The following DSCAM variants were observed in gnomAD, a reference collection of about 807,000 sequenced individuals.
DSCAM encodes the protein DS cell adhesion molecule, also known as cell adhesion molecule DSCAM.
DSCAM carries 47 observed loss-of-function variants against 217.7 expected under a neutral mutation model. The ratio of observed to expected loss-of-function variants is 0.22; its 90% CI spans 0.17 to 0.28. DSCAM has a LOEUF of 0.28. Ranked by LOEUF, DSCAM falls within the 10% of genes least tolerant of loss-of-function variation. The probability of loss-of-function intolerance (pLI) is 1.00; values close to 1 mark genes in which losing one functional copy is unlikely to be tolerated. For missense variants in DSCAM, 2,080 were observed against 2,618.3 expected (o/e 0.79, Z 4.49); for synonymous variants, 1,056 against 1,015.3 (o/e 1.04, Z -0.76).
chr21:40,813,739 C>T (rs2091858249), intron 1 of DSCAM, among the ~76,000 whole-genome samples: 2 of 151,526 alleles, frequency 1.3e-5, no homozygotes, highest in South Asian at 4.2e-4. Flanking sequence ...CCTCTGCCTC[C>T]CCAGTTCAAG....
At chr21:40,622,557 T>A (rs2089535600) in intron 3 of DSCAM, among the ~76,000 whole-genome samples, 1 of 152,152 alleles carries the variant, frequency 6.6e-6, no homozygotes, top group African/African-American at 2.4e-5. Flanking sequence ...TTTCAACTGT[T>A]TATAATGTTT....
In DSCAM at chr21:40,369,181, T is replaced by A. The variant is rs1022623143; in HGVS notation, c.573A>T (p.Gly191=). Reference sequence around the variant, plus strand: ...GCGTGATGCAGCGGTAGTTATACAATCCATCTTCATTCTGTACATCTTTAA... The same window carrying A: ...GCGTGATGCAGCGGTAGTTATACAAACCATCTTCATTCTGTACATCTTTAA... The part of the protein sequence containing the change: ...LYIKDVQNED[G]LYNYRCITRH... The change falls in exon 4 of 33, where the codon GGA becomes GGT. Residue 191 remains glycine, a synonymous_variant. Coordinates refer to ENST00000400454, the MANE Select transcript of DSCAM (RefSeq NM_001389.5). The A allele has an allele frequency of 3.1e-6, 5 of 1,613,318 alleles. No homozygotes were observed. In the African/African-American group the frequency reaches 6.7e-5, roughly 22 times the overall value.
chr21:40,551,602 T>G lies in DSCAM; in HGVS notation c.508+141208A>C, dbSNP rs538443665. Reference sequence around the variant, plus strand: ...TATGTTAATAGGGATTCCTTACAGGTGCAAAATTTCCCCCACAAAAGACAG... The same window carrying G: ...TATGTTAATAGGGATTCCTTACAGGGGCAAAATTTCCCCCACAAAAGACAG... On this transcript the variant is annotated intron_variant, in intron 3 of 32. Coordinates refer to ENST00000400454, the MANE Select transcript of DSCAM (RefSeq NM_001389.5). Among the ~76,000 whole-genome samples the G allele has an allele frequency of 2.0e-5, 3 of 152,234 alleles. No homozygotes were observed. In the South Asian group the frequency reaches 6.2e-4, roughly 32 times the overall value.
intron 10 of DSCAM, among the ~76,000 whole-genome samples, chr21:40,286,492 T>C (rs2123415979): frequency 6.6e-6 from 1 of 152,282 alleles, no homozygotes; most frequent in South Asian, 2.1e-4. Context: ...ACCTGAAAAC[T>C]CAGTATCATC....
chr21:40,196,920 A>G (rs1380396461), intron 11 of DSCAM, among the ~76,000 whole-genome samples: 2 of 152,238 alleles, frequency 1.3e-5, no homozygotes, highest in Non-Finnish European at 2.9e-5. Flanking sequence ...AATAGAAGTG[A>G]GACACATAGA....
In DSCAM at chr21:40,329,612, CTAAATAAATAAA is replaced by C. The variant is rs141438568; in HGVS notation, c.1783+8477_1783+8488del. On this transcript the variant is annotated intron_variant, in intron 8 of 32. Coordinates refer to ENST00000400454, the MANE Select transcript of DSCAM (RefSeq NM_001389.5). Reference sequence around the variant, plus strand: ...CTGGCCACAGAGTGAGACTCCGTCTCTAAATAAATAAATAAATAAATAAATAAATAAATAAAT... The same window carrying C: ...CTGGCCACAGAGTGAGACTCCGTCTCTAAATAAATAAATAAATAAATAAAT... 5.6e-3 allele frequency among the ~76,000 whole-genome samples: 752 copies of C among 135,172 alleles called. 3 individuals carry two copies. The highest frequency in any genetic ancestry group is 0.016 in the African/African-American group (596 of 36,208). 88.7% of individuals were successfully genotyped at this position (135,172 alleles called of 152,430 possible).
intron 3 of DSCAM, among the ~76,000 whole-genome samples, chr21:40,513,566 G>A (rs537487101): frequency 1.4e-4 from 21 of 152,228 alleles, no homozygotes; most frequent in Admixed American, 1.0e-3. Context: ...AGGAGCAAGA[G>A]TGATGGCAGG....
intron 3 of DSCAM, among the ~76,000 whole-genome samples, chr21:40,667,173 T>C (rs2090212647): frequency 6.6e-6 from 1 of 152,130 alleles, no homozygotes; most frequent in Admixed American, 6.5e-5. Context: ...GTGTGGGTCT[T>C]AAAATTCAAT....
At chr21:40,257,243 C>A (rs1644137626) in intron 11 of DSCAM, among the ~76,000 whole-genome samples, 1 of 152,214 alleles carries the variant, frequency 6.6e-6, no homozygotes, top group African/African-American at 2.4e-5. Context: ...TTGCAGCTAA[C>A]CTACACACAT....
At chr21:40,559,786 CTT>C (rs548599799) in intron 3 of DSCAM, among the ~76,000 whole-genome samples, 43,826 of 108,130 alleles carry the variant, frequency 0.41, 7,078 homozygotes, top group East Asian at 0.52. Context: ...AATTTTCTGT[CTT>C]TTTTTTTTTT....
intron 3 of DSCAM, among the ~76,000 whole-genome samples, chr21:40,398,469 C>T (rs1478173590): frequency 6.6e-6 from 1 of 152,116 alleles, no homozygotes; most frequent in Admixed American, 6.5e-5. Context: ...AAATAACTTG[C>T]TTGCTGTCAC....
chr21:40,224,436 C>T (rs1384870967), intron 11 of DSCAM, among the ~76,000 whole-genome samples: 2 of 152,170 alleles, frequency 1.3e-5, no homozygotes, highest in African/African-American at 2.4e-5. Context: ...AAAACAATTA[C>T]GGTTTCCTTG....
chr21:40,220,795 A>C (rs1451682936), intron 11 of DSCAM, among the ~76,000 whole-genome samples: 2 of 152,140 alleles, frequency 1.3e-5, no homozygotes, highest in African/African-American at 4.8e-5. Context: ...ATGTGTGAAA[A>C]GCGGTAGGAA....
chr21:40,585,674 T>C (rs1163195204), intron 3 of DSCAM, among the ~76,000 whole-genome samples: 4 of 152,128 alleles, frequency 2.6e-5, no homozygotes, highest in African/African-American at 9.7e-5. Flanking sequence ...AGGTCGAAAT[T>C]TGATTCCCAG....
At chr21:40,643,004 CT>C (rs1826288394) in intron 3 of DSCAM, among the ~76,000 whole-genome samples, 1 of 152,162 alleles carries the variant, frequency 6.6e-6, no homozygotes, top group Non-Finnish European at 1.5e-5. Context: ...GCTGGGGCTG[CT>C]GTGTGTTTCA....
At chr21:40,713,546 G>A (rs2090806459) in intron 1 of DSCAM, among the ~76,000 whole-genome samples, 1 of 152,152 alleles carries the variant, frequency 6.6e-6, no homozygotes, top group Non-Finnish European at 1.5e-5. Context: ...TTTAACTAAG[G>A]TTAGGAAATA....
intron 3 of DSCAM, among the ~76,000 whole-genome samples, chr21:40,632,407 A>C (rs914916855): frequency 1.3e-5 from 2 of 152,132 alleles, no homozygotes; most frequent in African/African-American, 2.4e-5. Flanking sequence ...ATGCATACAC[A>C]AATGTATTAA....
intron 1 of DSCAM, among the ~76,000 whole-genome samples, chr21:40,836,410 C>T (rs989206713): frequency 6.6e-6 from 1 of 152,230 alleles, no homozygotes; most frequent in Admixed American, 6.5e-5. Context: ...AAGCTGCTAG[C>T]ATCCACATTG....
chr21:40,046,238 G>A (rs1297363192), intron 30 of DSCAM, among the ~76,000 whole-genome samples: 1 of 152,246 alleles, frequency 6.6e-6, no homozygotes, highest in African/African-American at 2.4e-5. Context: ...TAGTTAATTC[G>A]ACTTTGAATC....
Sources: gnomAD v4.1 joint callset for allele counts (sites outside exome capture counted in the v4.1 genomes callset) on GRCh38, gnomAD v4.1.1 for gene constraint, MANE v1.5 for transcripts, NCBI Gene and HGNC (gene_info 2026-07-23, HGNC 2026-07-21) for gene names.